The following LARP4 variants were observed in gnomAD, a reference collection of about 807,000 sequenced individuals.
LARP4 encodes la-related protein 4.
In LARP4, 29 loss-of-function variants were observed where a neutral mutation model predicts 92.9. The ratio of observed to expected loss-of-function variants is 0.31; its 90% CI spans 0.23 to 0.43. LARP4 has a LOEUF of 0.43. LARP4 is among the 20% of genes least tolerant of loss of function. The pLI is 1.00. For synonymous variants in LARP4, 279 were observed against 284.1 expected, an observed-to-expected ratio of 0.98 and a Z score of 0.18; for missense variants, 732 against 860.0, an observed-to-expected ratio of 0.85 and a Z score of 1.86.
intron 1 of LARP4, among the ~76,000 whole-genome samples, chr12:50,416,194 CTT>C (rs1183741810): frequency 7.9e-5 from 12 of 152,158 alleles, no homozygotes; most frequent in Non-Finnish European, 1.8e-4. Flanking sequence ...TAGAGAGTGG[CTT>C]TGGTGCTGGC....
At chr12:50,442,940 C>G (rs1951447311) in intron 8 of LARP4, among the ~76,000 whole-genome samples, 2 of 152,144 alleles carry the variant, frequency 1.3e-5, no homozygotes, top group Non-Finnish European at 2.9e-5. Context: ...AGCTGTCATT[C>G]TACTTCCTCT....
chr12:50,453,643 A>T lies in LARP4; in HGVS notation c.988A>T (p.Asn330Tyr). ...YSIVPQSWSP[N>Y]PTPYFETPLA... Reference sequence around the variant, plus strand: ...TATTGTGCCTCAGTCTTGGTCTCCAAATCCTACACCTTACTTTGAAACACC... The same window carrying T: ...TATTGTGCCTCAGTCTTGGTCTCCATATCCTACACCTTACTTTGAAACACC... Residue 330 changes from asparagine to tyrosine, a missense_variant, in exon 9 of 16, where the codon AAT becomes TAT. Transcript: ENST00000398473. 1.2e-6 allele frequency: 2 copies of T among 1,609,022 alleles called. No individual in the cohort carries two copies. Among genetic ancestry groups the T allele is most frequent in the Non-Finnish European group, 1.7e-6 (2 of 1,176,168 alleles).
chr12:50,407,243 C>T (rs898991115), intron 1 of LARP4, among the ~76,000 whole-genome samples: 4 of 151,230 alleles, frequency 2.6e-5, no homozygotes, highest in African/African-American at 9.7e-5. Flanking sequence ...TCAGGCTGGT[C>T]TCGAACTCCT....
intron 8 of LARP4, among the ~76,000 whole-genome samples, chr12:50,451,455 T>G (rs1177821038): frequency 6.6e-6 from 1 of 152,130 alleles, no homozygotes; most frequent in South Asian, 2.1e-4. Context: ...CTCAGCACTT[T>G]GGGAGGCCAA....
chr12:50,411,711 C>T (rs1228002211), intron 1 of LARP4, among the ~76,000 whole-genome samples: 1 of 147,118 alleles, frequency 6.8e-6, no homozygotes, highest in Admixed American at 6.7e-5. Flanking sequence ...GATGGAGTCT[C>T]GCTCTGTTGC....
At chr12:50,445,331 T>G (rs918321935) in intron 8 of LARP4, among the ~76,000 whole-genome samples, 16 of 152,200 alleles carry the variant, frequency 1.1e-4, no homozygotes, top group African/African-American at 3.6e-4. Flanking sequence ...ACATGGTTCT[T>G]CCCCTGTATA....
intron 8 of LARP4, among the ~76,000 whole-genome samples, chr12:50,445,337 G>A (rs1457950363): frequency 1.3e-5 from 2 of 151,950 alleles, no homozygotes; most frequent in East Asian, 3.8e-4. Flanking sequence ...TTCTTCCCCT[G>A]TATATGATGT....
At chr12:50,470,439 CTTTT>C (rs1048209416) in intron 13 of LARP4, among the ~76,000 whole-genome samples, 8 of 145,486 alleles carry the variant, frequency 5.5e-5, no homozygotes, top group South Asian at 2.2e-4. Flanking sequence ...TTCTTTCTTT[CTTTT>C]TTTTTTTGAG....
intron 4 of LARP4, among the ~76,000 whole-genome samples, chr12:50,433,660 A>G (rs1163268533): frequency 7.2e-6 from 1 of 139,804 alleles, no homozygotes; most frequent in East Asian, 2.1e-4. Context: ...TTTTTTTGAG[A>G]TGGAGTTCTC....
chr12:50,434,664 C>T (rs1950163095), intron 4 of LARP4, among the ~76,000 whole-genome samples: 1 of 150,810 alleles, frequency 6.6e-6, no homozygotes, highest in Non-Finnish European at 1.5e-5. Context: ...GCCTCGGCGT[C>T]CCAAAGTGCT....
intron 9 of LARP4, 48 bp from the exon 10 acceptor site, chr12:50,454,266 G>C (rs371970590): frequency 7.0e-7 from 1 of 1,438,490 alleles, no homozygotes; most frequent in African/African-American, 1.4e-5. Flanking sequence ...CCTCACACCA[G>C]ATTTTACCTT....
chr12:50,411,741 C>T (rs1403282200), intron 1 of LARP4, among the ~76,000 whole-genome samples: 1 of 152,020 alleles, frequency 6.6e-6, no homozygotes, highest in Non-Finnish European at 1.5e-5. Flanking sequence ...AGTGCAGTGG[C>T]GTGATCTCAT....
intron 1 of LARP4, among the ~76,000 whole-genome samples, chr12:50,424,905 G>A (rs2136942387): frequency 6.6e-6 from 1 of 152,048 alleles, no homozygotes; most frequent in Non-Finnish European, 1.5e-5. Context: ...CCAGCACTTT[G>A]GGAGGCCGAG....
intron 4 of LARP4, among the ~76,000 whole-genome samples, chr12:50,432,509 A>C (rs1415242186): frequency 6.6e-6 from 1 of 152,168 alleles, no homozygotes; most frequent in African/African-American, 2.4e-5. Flanking sequence ...TTAGATCTCT[A>C]ATACAGAGGT....
intron 1 of LARP4, among the ~76,000 whole-genome samples, chr12:50,407,564 G>T (rs563499744): frequency 4.4e-4 from 67 of 152,286 alleles, no homozygotes; most frequent in Admixed American, 1.4e-3. Context: ...AAGGAGTACA[G>T]CTGGGCGGGG....
intron 1 of LARP4, among the ~76,000 whole-genome samples, chr12:50,408,187 C>CTTTTTTT (rs71083565): frequency 1.4e-5 from 1 of 69,260 alleles, no homozygotes; most frequent in Non-Finnish European, 2.4e-5. Context: ...GGATTTTCTG[C>CTTTTTTT]TTTTTTTTTT....
rs1457522009 is a variant in LARP4 at position 50,435,595 on chromosome 12, A to G, written c.506A>G (p.Asp169Gly). The G allele has an allele frequency of 6.2e-7, 1 of 1,606,086 alleles. No individual in the cohort carries two copies. The highest frequency in any genetic ancestry group is 8.5e-7 in the Non-Finnish European group (1 of 1,174,334). The part of the protein sequence containing the change: ...NMEEIKKLTT[D>G]PDLILEVLRS... ...GAAGAAATAAAAAAGTTGACTACAG[A>G]CCCTGATCTAATTCTTGAAGTGTTA... The change falls in exon 5 of 16, where the codon GAC (aspartate) becomes GGC (glycine). Residue 169 changes from aspartate to glycine, a missense_variant. Around this residue, in one of 7 missense-constraint regions of LARP4, gnomAD observed 236 missense variants for 307.6 expected, o/e 0.77. Transcript: ENST00000398473.
At chr12:50,422,439 C>T (rs984872715) in intron 1 of LARP4, among the ~76,000 whole-genome samples, 1 of 152,054 alleles carries the variant, frequency 6.6e-6, no homozygotes, top group African/African-American at 2.4e-5. Flanking sequence ...ATTTAATCAA[C>T]CCTGAGATGC....
rs1177422455 is a variant in LARP4 at position 50,479,959 on chromosome 12, T to C, written c.*4095T>C. 2 of 152,472 alleles carry C rather than the reference T, an allele frequency of 1.3e-5. No homozygotes were observed. The highest frequency in any genetic ancestry group is 1.3e-4 in the Admixed American group (2 of 15,272). 9.4% of individuals were successfully genotyped at this position (152,472 alleles called of 1,614,324 possible). ...TGTTTTCAACATCGCCAAGGTGCTA[T>C]GGGAAATTAACAAAATTAGAAAAAA... On this transcript the variant is annotated 3_prime_UTR_variant, in exon 16 of 16. Coordinates refer to ENST00000398473, the MANE Select transcript of LARP4 (RefSeq NM_052879.5).
Sources: gnomAD v4.1 joint callset for allele counts (sites outside exome capture counted in the v4.1 genomes callset) on GRCh38, gnomAD v4.1.1 for gene constraint, gnomAD v4.1.1 regional missense constraint, MANE v1.5 for transcripts, NCBI Gene and HGNC (gene_info 2026-07-23, HGNC 2026-07-21) for gene names.